DEPDC5: variants seen among roughly 807,000 people sequenced by gnomAD.
DEPDC5 encodes the protein GATOR1 complex protein DEPDC5.
DEPDC5 carries 73 observed loss-of-function variants against 217.3 expected under a neutral mutation model. That is an observed-to-expected ratio of 0.34 (90% CI 0.28 to 0.41). The LOEUF is 0.41. Among genes scored for constraint, DEPDC5 ranks in the 10% least tolerant of loss-of-function variants. The probability of loss-of-function intolerance (pLI) is 1.00; values close to 1 mark genes in which losing one functional copy is unlikely to be tolerated. For missense variants in DEPDC5, 1,675 were observed against 2,070.1 expected (o/e 0.81, Z 3.70); for synonymous variants, 733 against 756.7 (o/e 0.97, Z 0.51).
chr22:31,876,507 A>G (rs2092995700), intron 37 of DEPDC5, among the ~76,000 whole-genome samples: 1 of 152,284 alleles, frequency 6.6e-6, no homozygotes, highest in East Asian at 1.9e-4. Flanking sequence ...AAAAGAGGCC[A>G]AGGGACCTGG....
At chr22:31,834,233 G>C (rs2090824696) in intron 25 of DEPDC5, 1 of 507,686 alleles carries the variant, frequency 2.0e-6, no homozygotes, top group Non-Finnish European at 3.7e-6. Context: ...TTCCCTATAA[G>C]GCCCCCATGC....
At chr22:31,849,085 A>G (rs1262910989) in intron 31 of DEPDC5, among the ~76,000 whole-genome samples, 1 of 152,092 alleles carries the variant, frequency 6.6e-6, no homozygotes, top group African/African-American at 2.4e-5. Context: ...GGAAGTGCCA[A>G]ACTTTCCCAC....
Position 31,814,848 on chromosome 22 carries a change from A to C in DEPDC5, c.1446-144A>C. The C allele has an allele frequency of 5.3e-6, 4 of 760,824 alleles. 1 individual carries two copies. The highest frequency in any genetic ancestry group is 8.7e-6 in the Non-Finnish European group (4 of 457,888). The allele number at this position is 760,824 out of a possible 1,614,324, so 47.1% of individuals were successfully genotyped here. On this transcript the variant is annotated intron_variant, in intron 20 of 42. Coordinates refer to ENST00000651528, the MANE Select transcript of DEPDC5 (RefSeq NM_001242896.3). ...CAAGCTGTTAAGGGTGAAGTACCGCATACAGGTTTCCCACTTGTAGATCAC... is the reference window on the plus strand; with the variant it reads ...CAAGCTGTTAAGGGTGAAGTACCGCCTACAGGTTTCCCACTTGTAGATCAC...
chr22:31,788,876 C>G (rs527611928), intron 10 of DEPDC5, among the ~76,000 whole-genome samples: 1 of 151,120 alleles, frequency 6.6e-6, no homozygotes, highest in Non-Finnish European at 1.5e-5. Context: ...GCGACTGGGC[C>G]CATATTCTTT....
At chr22:31,833,233 G>A (rs2090737831) in intron 24 of DEPDC5, among the ~76,000 whole-genome samples, 1 of 152,128 alleles carries the variant, frequency 6.6e-6, no homozygotes, top group Non-Finnish European at 1.5e-5. Context: ...GTTTTGAAAG[G>A]GACATTTAAG....
At chr22:31,836,087 A>G (rs749360022) in intron 25 of DEPDC5, among the ~76,000 whole-genome samples, 2 of 152,264 alleles carry the variant, frequency 1.3e-5, no homozygotes, top group Admixed American at 6.5e-5. Context: ...TAACTGCCCT[A>G]TTATTTTAAC....
At chr22:31,884,349 ACT>A (rs2093254305) in intron 38 of DEPDC5, among the ~76,000 whole-genome samples, 1 of 151,472 alleles carries the variant, frequency 6.6e-6, no homozygotes, top group South Asian at 2.1e-4. Context: ...ACAGGCACAC[ACT>A]CTCTCCTGCT....
rs1466183870 is a variant in DEPDC5 at position 31,765,094 on chromosome 22, G to A, written c.279+34G>A. On this transcript the variant is annotated intron_variant, in intron 5 of 42. Transcript: ENST00000651528. The stretch of plus-strand genomic sequence containing the variant: ...TTGTTTTGTACTTGAATATCTTTTT[G>A]GAATAAGCACCCTTCCTCAAGGTTA... 3 of 1,522,390 alleles carry A rather than the reference G, an allele frequency of 2.0e-6. No individual in the cohort carries two copies. The African/African-American group carries it at 4.1e-5, about 21-fold the overall frequency. 94.3% of individuals were successfully genotyped at this position (1,522,390 alleles called of 1,614,324 possible).
At chr22:31,843,888 C>A in intron 29 of DEPDC5, 76 bp downstream of exon 29, 1 of 1,404,338 alleles carries the variant, frequency 7.1e-7, no homozygotes, top group Non-Finnish European at 9.5e-7. Context: ...ACACTTTCTG[C>A]CCTTTCTCTC....
chr22:31,840,674 A>T (rs2148984999), intron 27 of DEPDC5, among the ~76,000 whole-genome samples: 1 of 152,134 alleles, frequency 6.6e-6, no homozygotes, highest in East Asian at 1.9e-4. Context: ...CTTTCTGGTT[A>T]TTTTTTTGCT....
At chr22:31,798,508 G>T in intron 13 of DEPDC5, 74 bp from the exon 14 acceptor site, 1 of 1,349,506 alleles carries the variant, frequency 7.4e-7, no homozygotes, top group East Asian at 2.7e-5. Flanking sequence ...ACACAGCAAG[G>T]CTTCGTTTAA....
intron 28 of DEPDC5, 145 bp from the exon 29 acceptor site, chr22:31,843,500 G>T: frequency 3.1e-6 from 3 of 968,568 alleles, no homozygotes; most frequent in Non-Finnish European, 4.5e-6. Flanking sequence ...GAAATTTCTA[G>T]TACCGTTCCC....
Position 31,857,615 on chromosome 22 carries a change from A to G in DEPDC5, c.3264+62A>G. On this transcript the variant is annotated intron_variant, in intron 32 of 42. Transcript: ENST00000651528. ...CTCTCAGAGACTCAGTGTGGAGGGT[A>G]AAACAGATCGCCCTTCAGATCCGGG... 15 of 1,384,738 alleles carry G rather than the reference A, an allele frequency of 1.1e-5. No individual in the cohort carries two copies. The South Asian group carries it at 1.9e-4, about 17-fold the overall frequency. 85.8% of individuals were successfully genotyped at this position (1,384,738 alleles called of 1,614,324 possible). A position where few individuals can be genotyped will look rare whatever the true frequency, so the allele number is the denominator to read the frequency against.
chr22:31,809,912 G>A (rs1055733327), intron 19 of DEPDC5, among the ~76,000 whole-genome samples: 1 of 152,130 alleles, frequency 6.6e-6, no homozygotes, highest in African/African-American at 2.4e-5. Context: ...AACCCGGGAG[G>A]CAGAGGTTGC....
chr22:31,817,553 A>G (rs2089268398), intron 21 of DEPDC5: 9 of 342,396 alleles, frequency 2.6e-5, no homozygotes, highest in South Asian at 2.1e-4. Flanking sequence ...CAGTGGTACA[A>G]TATTGGCTCA....
At chr22:31,772,383 C>A (rs1665215829) in intron 7 of DEPDC5, among the ~76,000 whole-genome samples, 1 of 152,118 alleles carries the variant, frequency 6.6e-6, no homozygotes, top group South Asian at 2.1e-4. Flanking sequence ...GGATGGGTAT[C>A]CAGGGTCAGG....
rs962190440 is a variant in DEPDC5, at chr22:31,897,638, G to A, written c.4360G>A (p.Glu1454Lys). Reference protein sequence around the residue: ...NISCLLKEGSEHLFDSFEPET... With the variant: ...NISCLLKEGSKHLFDSFEPET... ...CAGCTGCTTGCTCAAGGAGGGCAGC[G>A]AGCACCTGTTTGATAGTAAGAAATA... Residue 1454 changes from glutamate (E) to lysine (K), a missense_variant, in exon 40 of 43, where the codon GAG becomes AAG. Coordinates refer to ENST00000651528, the MANE Select transcript of DEPDC5 (RefSeq NM_001242896.3). 1.9e-6 allele frequency: 3 copies of A among 1,613,922 alleles called. No individual in the cohort carries two copies. The highest frequency in any genetic ancestry group is 2.2e-5 in the East Asian group (1 of 44,878).
intron 41 of DEPDC5, among the ~76,000 whole-genome samples, chr22:31,904,136 C>T (rs961699429): frequency 6.6e-6 from 1 of 151,902 alleles, no homozygotes; most frequent in African/African-American, 2.4e-5. Flanking sequence ...CCTCCTTCAT[C>T]TTCCTCAGCC....
At chr22:31,786,369 A>G (rs1010504751) in intron 10 of DEPDC5, among the ~76,000 whole-genome samples, 2 of 151,460 alleles carry the variant, frequency 1.3e-5, no homozygotes, top group African/African-American at 2.4e-5. Flanking sequence ...AGCCCCAGCA[A>G]TATGGAAAAC....
Sources: gnomAD v4.1 joint callset for allele counts (sites outside exome capture counted in the v4.1 genomes callset) on GRCh38, gnomAD v4.1.1 for gene constraint, MANE v1.5 for transcripts, NCBI Gene and HGNC (gene_info 2026-07-23, HGNC 2026-07-21) for gene names.